Variants in MBIP observed in about 807,000 individuals in gnomAD.
MBIP encodes the protein MAP3K12-binding inhibitory protein 1.
Under a neutral mutation model 45.7 loss-of-function variants are expected in MBIP, and 32 were observed. That is an observed-to-expected ratio of 0.70 (90% CI 0.53 to 0.94). The LOEUF (loss-of-function observed/expected upper bound fraction) is 0.94. Ranked by LOEUF, MBIP falls within the 40% of genes least tolerant of loss-of-function variation. The pLI, the probability that MBIP is intolerant of heterozygous loss-of-function variation, is 0.00. For synonymous variants in MBIP, 145 were observed against 141.0 expected (o/e 1.03, Z -0.20); for missense variants, 381 against 405.5 (o/e 0.94, Z 0.52).
chr14:36,311,277 T>C (rs1200339011), intron 6 of MBIP, among the ~76,000 whole-genome samples: 2 of 152,132 alleles, frequency 1.3e-5, no homozygotes, highest in Non-Finnish European at 1.5e-5. Context: ...TGGGCAAGAC[T>C]GGACTATCTC....
intron 6 of MBIP, 110 bp downstream of exon 6, chr14:36,311,463 C>T (rs1880199942): frequency 2.1e-6 from 2 of 964,718 alleles, no homozygotes; most frequent in East Asian, 2.5e-5. Context: ...CTGGCACTTA[C>T]TGTTCAAGAA....
intron 1 of MBIP, chr14:36,319,690 C>G (rs3792688): frequency 0.012 from 2,872 of 233,700 alleles, 77 homozygotes; most frequent in East Asian, 0.087. Flanking sequence ...AAAATATTTC[C>G]TTTTAAAAGG....
chr14:36,312,039 G>C lies in MBIP; in HGVS notation c.572-15C>G, dbSNP rs1306152827. On this transcript the variant is annotated splice_polypyrimidine_tract_variant and intron_variant, in intron 4 of 8. Transcript: ENST00000416007. ...ACAACTATTTTCTAAGGAGAATTTA[G>C]ATAAATATAAGTTTAAATATATTCT... The C allele has an allele frequency of 1.4e-6, 2 of 1,479,700 alleles. No individual in the cohort carries two copies. Among genetic ancestry groups the C allele is most frequent in the African/African-American group, 2.8e-5 (2 of 71,318 alleles). The allele number at this position is 1,479,700 out of a possible 1,614,324, so 91.7% of individuals were successfully genotyped here.
chr14:36,320,390 C>A lies in MBIP; in HGVS notation c.129+70G>T, dbSNP rs952855717. The A allele has an allele frequency of 4.4e-6, 7 of 1,607,684 alleles. No homozygotes were observed. In the African/African-American group the frequency reaches 8.0e-5, roughly 18 times the overall value. On this transcript the variant is annotated intron_variant, in intron 1 of 8. Coordinates refer to ENST00000416007, the MANE Select transcript of MBIP (RefSeq NM_016586.3). ...CAGGCCTAGCTGCCCCCGGCCTCTG[C>A]TAGAGAAAAAGAATGGCGAGGAGGG...
chr14:36,308,328 A>C, intron 6 of MBIP, 139 bp from the exon 7 acceptor site: 1 of 573,818 alleles, frequency 1.7e-6, no homozygotes. Context: ...AAAGTAAAAC[A>C]GAATGAAGTC....
intron 7 of MBIP, among the ~76,000 whole-genome samples, chr14:36,302,428 G>T (rs1879618916): frequency 1.3e-5 from 2 of 150,454 alleles, no homozygotes; most frequent in Admixed American, 1.3e-4. Flanking sequence ...GGAGGCGGAG[G>T]TTGCAGTGAG....
Position 36,299,084 on chromosome 14 carries a change from C to A in MBIP, c.1034G>T (p.Ter345LeuextTer22), listed in dbSNP as rs755859738. 6.2e-7 allele frequency: 1 copy of A among 1,612,584 alleles called. No homozygotes were observed. The highest frequency in any genetic ancestry group is 8.5e-7 in the Non-Finnish European group (1 of 1,178,878). The change falls in exon 9 of 9, where the codon TGA (stop) becomes TTA (leucine). Residue 345 changes from the stop codon to leucine, a stop_lost. Coordinates refer to ENST00000416007, the MANE Select transcript of MBIP (RefSeq NM_016586.3). ...AATGACAAGGATGAGAGGAGTTTTT[C>A]ATGGAAGGTGGTGGGTTGCCATGGA... is the stretch of plus-strand genomic sequence containing the variant. ...AESMATHHLP[*>L]
chr14:36,308,079 C>G lies in MBIP; in HGVS notation c.888+13G>C. 1 of 1,341,632 alleles carries G rather than the reference C, an allele frequency of 7.5e-7. No individual in the cohort carries two copies. The highest frequency in any genetic ancestry group is 2.3e-5 in the East Asian group (1 of 43,310). The allele number at this position is 1,341,632 out of a possible 1,614,324, so 83.1% of individuals were successfully genotyped here. ...AACATTTTCATTTATTTTTAAAAGACACTTATACTCACTACAGACTGAAAA... is the reference window on the plus strand; with the variant it reads ...AACATTTTCATTTATTTTTAAAAGAGACTTATACTCACTACAGACTGAAAA... On this transcript the variant is annotated intron_variant, in intron 7 of 8. Coordinates refer to ENST00000416007, the MANE Select transcript of MBIP (RefSeq NM_016586.3).
intron 1 of MBIP, among the ~76,000 whole-genome samples, chr14:36,317,467 TCTC>T (rs1335591591): frequency 6.6e-6 from 1 of 152,056 alleles, no homozygotes; most frequent in Non-Finnish European, 1.5e-5. Context: ...AACAAAGACT[TCTC>T]CACCACAGTG....
intron 1 of MBIP, among the ~76,000 whole-genome samples, chr14:36,318,925 A>G (rs1293653962): frequency 6.6e-6 from 1 of 152,098 alleles, no homozygotes; most frequent in Non-Finnish European, 1.5e-5. Flanking sequence ...TTATGAAAAC[A>G]GTTTGTATTT....
chr14:36,320,592 A>C lies in MBIP; in HGVS notation c.-4T>G. ...TAAGCTCCGTGGCAGCAGCCATGAT[A>C]TCTTCTCAGGCCGCCCCACCACCAC... On this transcript the variant is annotated 5_prime_UTR_variant, in exon 1 of 9. Coordinates refer to ENST00000416007, the MANE Select transcript of MBIP (RefSeq NM_016586.3). 1.0e-5 allele frequency: 16 copies of C among 1,603,048 alleles called. No homozygotes were observed. The highest frequency in any genetic ancestry group is 1.3e-5 in the Non-Finnish European group (15 of 1,174,180).
At chr14:36,309,604 C>T (rs1880084240) in intron 6 of MBIP, among the ~76,000 whole-genome samples, 1 of 152,200 alleles carries the variant, frequency 6.6e-6, no homozygotes, top group African/African-American at 2.4e-5. Context: ...TTTAAGAAAT[C>T]TTAGGACCTT....
rs990295113 is a variant in MBIP at position 36,316,344 on chromosome 14, C to T, written c.249+349G>A. ...TGAAAGCACTCCATGAGCCTCCAAA[C>T]TCACCCAAGGCATGGAATCATTATC... On this transcript the variant is annotated intron_variant, in intron 2 of 8. Coordinates refer to ENST00000416007, the MANE Select transcript of MBIP (RefSeq NM_016586.3). Among the ~76,000 whole-genome samples the T allele has an allele frequency of 6.9e-4, 105 of 152,104 alleles. 2 individuals carry two copies. The highest frequency in any genetic ancestry group is 2.9e-5 in the Non-Finnish European group (2 of 67,988).
chr14:36,307,202 A>G (rs1386097508), intron 7 of MBIP, among the ~76,000 whole-genome samples: 1 of 152,168 alleles, frequency 6.6e-6, no homozygotes, highest in Admixed American at 6.5e-5. Flanking sequence ...TCTTCTGGAA[A>G]TACTTCTTTT....
At chr14:36,316,942 C>T in intron 1 of MBIP, 130 bp from the exon 2 acceptor site, 1 of 843,186 alleles carries the variant, frequency 1.2e-6, no homozygotes, top group Non-Finnish European at 1.8e-6. Flanking sequence ...TTTAATAATA[C>T]ACTGAAATGC....
In MBIP at chr14:36,309,709, T is replaced by C. The variant is rs561348168; in HGVS notation, c.791-1520A>G. Among the ~76,000 whole-genome samples the C allele has an allele frequency of 4.6e-5, 7 of 152,346 alleles. No individual in the cohort carries two copies. The East Asian group carries it at 1.4e-3, about 29-fold the overall frequency. On this transcript the variant is annotated intron_variant, in intron 6 of 8. Coordinates refer to ENST00000416007, the MANE Select transcript of MBIP (RefSeq NM_016586.3). ...ATGTCCTCTGCCTTACTTCTGTATC[T>C]TTCAAGAGCCAGTTCAAGCTTCACT... is the stretch of plus-strand genomic sequence containing the variant.
In MBIP at chr14:36,314,558, A is replaced by G. The variant is rs1049361168; in HGVS notation, c.525T>C (p.Asn175=). The change falls in exon 4 of 9, where the codon AAT becomes AAC. Residue 175 remains asparagine (N), a synonymous_variant. Coordinates refer to ENST00000416007, the MANE Select transcript of MBIP (RefSeq NM_016586.3). The stretch of plus-strand genomic sequence containing the variant: ...TGCAAAATTCCCTGACGTTGTTTTC[A>G]TTGATTTCAGCTTGCTTTCTTTCAA... ...AFIERKQAEI[N]ENNVREFCNV... 34 of 1,610,870 alleles carry G rather than the reference A, an allele frequency of 2.1e-5. No homozygotes were observed. Among genetic ancestry groups the G allele is most frequent in the Non-Finnish European group, 2.8e-5 (33 of 1,178,972 alleles).
At chr14:36,318,697 A>G (rs964013341) in intron 1 of MBIP, among the ~76,000 whole-genome samples, 1 of 152,032 alleles carries the variant, frequency 6.6e-6, no homozygotes, top group African/African-American at 2.4e-5. Context: ...TCTTAAGTAA[A>G]AAATTATTTT....
intron 7 of MBIP, among the ~76,000 whole-genome samples, chr14:36,305,623 TTC>T (rs1303641347): frequency 2.6e-5 from 4 of 152,090 alleles, no homozygotes; most frequent in African/African-American, 4.8e-5. Flanking sequence ...ACAATCTGTG[TTC>T]CTATCCATCA....
Sources: allele counts gnomAD v4.1 joint callset (sites outside exome capture counted in the v4.1 genomes callset), GRCh38; gene constraint gnomAD v4.1.1; transcripts MANE v1.5; gene names NCBI Gene and HGNC (gene_info 2026-07-23, HGNC 2026-07-21).